AKT3: variants seen among roughly 807,000 people sequenced by gnomAD.
The protein encoded by AKT3 is AKT serine/threonine kinase 3.
A neutral mutation model predicts 65.3 loss-of-function variants in AKT3; 15 were observed. That is an observed-to-expected ratio of 0.23 (90% CI 0.15 to 0.35). The LOEUF is 0.35. AKT3 is among the 10% of genes least tolerant of loss of function. The pLI is 1.00. For missense variants in AKT3, 243 were observed against 576.5 expected (o/e 0.42, Z 5.92); for synonymous variants, 206 against 183.8 (o/e 1.12, Z -0.98).
At chr1:243,610,694 C>A (rs1677805382) in intron 8 of AKT3, among the ~76,000 whole-genome samples, 1 of 152,176 alleles carries the variant, frequency 6.6e-6, no homozygotes, top group African/African-American at 2.4e-5. Flanking sequence ...TATCCCTGGC[C>A]ACTCAGTTTA....
intron 4 of AKT3, among the ~76,000 whole-genome samples, chr1:243,657,787 G>A (rs745664733): frequency 6.6e-6 from 1 of 152,080 alleles, no homozygotes; most frequent in African/African-American, 2.4e-5. Context: ...CTGGCATAAA[G>A]ACATATAGAC....
chr1:243,520,174 A>G (rs1023954003), intron 12 of AKT3, among the ~76,000 whole-genome samples: 1 of 152,214 alleles, frequency 6.6e-6, no homozygotes, highest in Non-Finnish European at 1.5e-5. Flanking sequence ...CTGCATTAAA[A>G]TGAGATATCA....
At chr1:243,821,853 T>C (rs1436454691) in intron 2 of AKT3, among the ~76,000 whole-genome samples, 1 of 152,088 alleles carries the variant, frequency 6.6e-6, no homozygotes, top group Non-Finnish European at 1.5e-5. Context: ...CACCCCACCA[T>C]CAATATTAGA....
At chr1:243,734,256 A>G (rs1394961869) in intron 2 of AKT3, among the ~76,000 whole-genome samples, 1 of 152,242 alleles carries the variant, frequency 6.6e-6, no homozygotes, top group Non-Finnish European at 1.5e-5. Context: ...GTTCACAAAT[A>G]AACTGAAACA....
Position 243,722,712 on chromosome 1 carries a change from A to G in AKT3, c.47-26996T>C, listed in dbSNP as rs184609106. Among the ~76,000 whole-genome samples, 16 of 152,316 alleles carry G rather than the reference A, an allele frequency of 1.1e-4. No individual in the cohort carries two copies. The East Asian group carries it at 3.1e-3, about 29-fold the overall frequency. On this transcript the variant is annotated intron_variant, in intron 2 of 13. Coordinates refer to ENST00000673466, the MANE Select transcript of AKT3 (RefSeq NM_005465.7). ...AATGGAGAGAATCACATAATGATTCATGTCTTCAATAAAACATCAACTAAC... is the reference window on the plus strand; with the variant it reads ...AATGGAGAGAATCACATAATGATTCGTGTCTTCAATAAAACATCAACTAAC...
At chr1:243,742,386 G>C (rs1346676448) in intron 2 of AKT3, among the ~76,000 whole-genome samples, 1 of 152,238 alleles carries the variant, frequency 6.6e-6, no homozygotes, top group Non-Finnish European at 1.5e-5. Flanking sequence ...AGCACTTTGG[G>C]AAGCTGAGGC....
chr1:243,549,032 A>G (rs145490742), intron 11 of AKT3, among the ~76,000 whole-genome samples: 7 of 152,198 alleles, frequency 4.6e-5, no homozygotes, highest in African/African-American at 1.7e-4. Context: ...GTTCCCTAAG[A>G]TTCTGTCCTA....
intron 8 of AKT3, among the ~76,000 whole-genome samples, chr1:243,610,999 T>C (rs372294529): frequency 1.3e-5 from 2 of 152,212 alleles, no homozygotes; most frequent in Admixed American, 6.5e-5. Flanking sequence ...TATCTATATA[T>C]CATTCTGTGG....
At chr1:243,638,511 G>A (rs1680140347) in intron 5 of AKT3, among the ~76,000 whole-genome samples, 3 of 151,922 alleles carry the variant, frequency 2.0e-5, no homozygotes, top group Non-Finnish European at 2.9e-5. Flanking sequence ...AACTTTTGAA[G>A]GCATTTGTGC....
At chr1:243,720,722 A>C (rs1572226269) in intron 2 of AKT3, among the ~76,000 whole-genome samples, 1 of 152,284 alleles carries the variant, frequency 6.6e-6, no homozygotes, top group African/African-American at 2.4e-5. Context: ...ATAAATATTA[A>C]GGGTTAATAC....
chr1:243,589,316 AAAAAAAAAG>A (rs1380088760), intron 8 of AKT3, among the ~76,000 whole-genome samples: 12 of 147,018 alleles, frequency 8.2e-5, no homozygotes, highest in African/African-American at 3.0e-4. Context: ...CAAAAAAAAA[AAAAAAAAAG>A]AAAAAAAAAG....
chr1:243,564,286 G>C (rs1674000607), intron 9 of AKT3, among the ~76,000 whole-genome samples: 1 of 152,114 alleles, frequency 6.6e-6, no homozygotes, highest in Non-Finnish European at 1.5e-5. Flanking sequence ...TTCACTTACA[G>C]AAATGTTTTT....
chr1:243,643,600 C>A (rs1017218009), intron 5 of AKT3, among the ~76,000 whole-genome samples: 2 of 152,182 alleles, frequency 1.3e-5, no homozygotes, highest in African/African-American at 4.8e-5. Context: ...TGCCTCTTTA[C>A]ACCCAACATC....
At chr1:243,802,152 G>A (rs1692418580) in intron 2 of AKT3, among the ~76,000 whole-genome samples, 1 of 152,140 alleles carries the variant, frequency 6.6e-6, no homozygotes, top group South Asian at 2.1e-4. Context: ...TGCCTGGTCA[G>A]AATTTTCCTT....
intron 12 of AKT3, among the ~76,000 whole-genome samples, chr1:243,535,143 A>ATAT (rs1671806356): frequency 1.4e-5 from 2 of 141,606 alleles, no homozygotes; most frequent in African/African-American, 5.2e-5. Flanking sequence ...TAAAATTAAA[A>ATAT]ATTTTAAAAT....
chr1:243,573,552 C>T (rs879353404), intron 8 of AKT3, among the ~76,000 whole-genome samples: 1 of 152,066 alleles, frequency 6.6e-6, no homozygotes, highest in Non-Finnish European at 1.5e-5. Context: ...TTTTCAAAGT[C>T]AAATTATTAT....
chr1:243,516,396 C>T (rs778531431), intron 12 of AKT3, among the ~76,000 whole-genome samples: 2 of 152,150 alleles, frequency 1.3e-5, no homozygotes, highest in African/African-American at 4.8e-5. Context: ...GTGAGAAATA[C>T]ATCAATTTTA....
rs148982691 is a variant in AKT3 at position 243,664,976 on chromosome 1, C to T, written c.173-93G>A. On this transcript the variant is annotated intron_variant, in intron 3 of 13. Transcript: ENST00000673466. Reference sequence around the variant, plus strand: ...CTACAGAGTTCTATTTTAAACAAAACCCAGTGCGAACTCACAGCTTTCTAT... The same window carrying T: ...CTACAGAGTTCTATTTTAAACAAAATCCAGTGCGAACTCACAGCTTTCTAT... 3,572 of 570,616 alleles carry T rather than the reference C, an allele frequency of 6.3e-3. 24 individuals carry two copies. The highest frequency in any genetic ancestry group is 8.1e-3 in the Non-Finnish European group (3,049 of 375,566). The allele number at this position is 570,616 out of a possible 1,614,324, so 35.3% of individuals were successfully genotyped here.
At chr1:243,510,325 T>C (rs1023279778) in intron 13 of AKT3, among the ~76,000 whole-genome samples, 1 of 152,200 alleles carries the variant, frequency 6.6e-6, no homozygotes, top group African/African-American at 2.4e-5. Flanking sequence ...ACTAGGAGCT[T>C]GGGCTAATAA....
Sources: gnomAD v4.1 joint callset for allele counts (sites outside exome capture counted in the v4.1 genomes callset) on GRCh38, gnomAD v4.1.1 for gene constraint, MANE v1.5 for transcripts, NCBI Gene and HGNC (gene_info 2026-07-23, HGNC 2026-07-21) for gene names.